The following USP25 variants were observed in gnomAD, a reference collection of about 807,000 sequenced individuals.
The protein encoded by USP25 is ubiquitin carboxyl-terminal hydrolase 25.
USP25 carries 85 observed loss-of-function variants against 158.5 expected under a neutral mutation model. The observed-to-expected ratio is 0.54, with a 90% confidence interval of 0.45 to 0.64. The LOEUF (loss-of-function observed/expected upper bound fraction) is 0.64. Ranked by LOEUF, USP25 falls within the 30% of genes least tolerant of loss-of-function variation. The pLI is 0.00. For missense variants in USP25, 1,242 were observed against 1,327.3 expected, an observed-to-expected ratio of 0.94 and a Z score of 1.00; for synonymous variants, 464 against 460.4, an observed-to-expected ratio of 1.01 and a Z score of -0.10.
At chr21:15,772,893 T>C (rs371076129) in intron 3 of USP25, among the ~76,000 whole-genome samples, 24 of 152,314 alleles carry the variant, frequency 1.6e-4, no homozygotes, top group African/African-American at 5.3e-4. Flanking sequence ...ATGTGAGGGA[T>C]CTTTCAGGAT....
chr21:15,779,312 G>A (rs2034829879), intron 4 of USP25, among the ~76,000 whole-genome samples: 1 of 151,792 alleles, frequency 6.6e-6, no homozygotes, highest in Non-Finnish European at 1.5e-5. Context: ...TAATTGTCTT[G>A]AATAATTATG....
Position 15,766,209 on chromosome 21 carries a change from A to G in USP25, c.268+68A>G, listed in dbSNP as rs1248090161. The G allele has an allele frequency of 6.9e-7, 1 of 1,452,550 alleles. No homozygotes were observed. The highest frequency in any genetic ancestry group is 9.1e-7 in the Non-Finnish European group (1 of 1,100,344). 90.0% of individuals were successfully genotyped at this position (1,452,550 alleles called of 1,614,324 possible). On this transcript the variant is annotated intron_variant, in intron 3 of 25. Coordinates refer to ENST00000400183, the MANE Select transcript of USP25 (RefSeq NM_001283041.3). The surrounding 1 kb of genome is among the most constrained non-coding windows in gnomAD (Gnocchi z 4.0). ...TGAAAAACTTTTCTTGGTGTAATAT[A>G]TTAATGTTGCTTAAGGAGAGGTAAA...
At chr21:15,809,464 ACACCC>A (rs1040124110) in intron 8 of USP25, among the ~76,000 whole-genome samples, 1 of 151,890 alleles carries the variant, frequency 6.6e-6, no homozygotes, top group African/African-American at 2.4e-5. Context: ...AAAAAACGAA[ACACCC>A]CCCCCAACCC....
chr21:15,863,808 G>A (rs1253020511), intron 20 of USP25, among the ~76,000 whole-genome samples: 6 of 151,476 alleles, frequency 4.0e-5, no homozygotes, highest in South Asian at 4.2e-4. Flanking sequence ...AGGCCAAGGC[G>A]GGCGGATTAT....
chr21:15,873,495 A>C (rs1401682599), intron 23 of USP25, among the ~76,000 whole-genome samples: 1 of 151,222 alleles, frequency 6.6e-6, no homozygotes, highest in Non-Finnish European at 1.5e-5. Flanking sequence ...ACATATGCCT[A>C]ATTCTATCAC....
intron 20 of USP25, among the ~76,000 whole-genome samples, chr21:15,858,489 G>A (rs900585069): frequency 6.6e-6 from 1 of 151,538 alleles, no homozygotes; most frequent in African/African-American, 2.4e-5. Flanking sequence ...TATTGAAAGG[G>A]TAGGTAACGG....
At position 15,805,061 on chromosome 21, in the gene USP25, G is replaced by A; in HGVS notation, c.643-60G>A. ...TTACTGTTAAAATGAATATTTATTA[G>A]TAAAAATTTTCTTAATCTTCAGTTA... On this transcript the variant is annotated intron_variant, in intron 6 of 25. Coordinates refer to ENST00000400183, the MANE Select transcript of USP25 (RefSeq NM_001283041.3). 5.4e-6 allele frequency: 8 copies of A among 1,477,430 alleles called. No individual in the cohort carries two copies. The South Asian group carries it at 1.1e-4, about 21-fold the overall frequency. The allele number at this position is 1,477,430 out of a possible 1,614,324, so 91.5% of individuals were successfully genotyped here.
chr21:15,758,165 G>A (rs1368746748), intron 1 of USP25, among the ~76,000 whole-genome samples: 4 of 152,158 alleles, frequency 2.6e-5, no homozygotes, highest in African/African-American at 9.7e-5. Context: ...TTCATTATTA[G>A]CAAACTCATG....
chr21:15,800,022 C>A lies in USP25; in HGVS notation c.642+179C>A, dbSNP rs1370966509. On this transcript the variant is annotated intron_variant, in intron 6 of 25. Coordinates refer to ENST00000400183, the MANE Select transcript of USP25 (RefSeq NM_001283041.3). ...CTTTGTTAATATATTATAAATACGA[C>A]TTTTTTCCTTTACCTGTCACAGTAA... Among the ~76,000 whole-genome samples the A allele has an allele frequency of 2.6e-5, 4 of 151,058 alleles. No individual in the cohort carries two copies. In the East Asian group the frequency reaches 5.8e-4, roughly 22 times the overall value.
intron 3 of USP25, among the ~76,000 whole-genome samples, chr21:15,771,681 T>C (rs1020021410): frequency 2.8e-5 from 4 of 144,524 alleles, no homozygotes; most frequent in Non-Finnish European, 5.9e-5. Flanking sequence ...ATTTTTTTTT[T>C]CTTTTTTTTT....
chr21:15,779,383 A>G (rs2034833963), intron 4 of USP25, among the ~76,000 whole-genome samples: 1 of 152,134 alleles, frequency 6.6e-6, no homozygotes, highest in African/African-American at 2.4e-5. Flanking sequence ...GTTGGATTTC[A>G]TATGTAAGGG....
chr21:15,838,107 T>A (rs117753751), intron 17 of USP25, among the ~76,000 whole-genome samples: 4 of 151,954 alleles, frequency 2.6e-5, no homozygotes, highest in Non-Finnish European at 5.9e-5. Context: ...TTTTGTATTT[T>A]AGTAGAGACA....
intron 21 of USP25, among the ~76,000 whole-genome samples, 154 bp from the exon 22 acceptor site, chr21:15,866,112 G>A (rs1320843514): frequency 6.6e-6 from 1 of 151,862 alleles, no homozygotes; most frequent in African/African-American, 2.4e-5. Context: ...TCCCAAAAAT[G>A]TTTTTCACTT....
rs984054070 is a variant in USP25, at chr21:15,875,980, G to C, written c.3009+1454G>C. 3 of 152,230 alleles carry C rather than the reference G, an allele frequency of 2.0e-5. No homozygotes were observed. The highest frequency in any genetic ancestry group is 4.4e-5 in the Non-Finnish European group (3 of 68,066). 9.4% of individuals were successfully genotyped at this position (152,230 alleles called of 1,614,324 possible). On this transcript the variant is annotated intron_variant, in intron 24 of 25. Transcript: ENST00000400183. The surrounding 1 kb of genome is among the most constrained non-coding windows in gnomAD (Gnocchi z 4.7). ...GGAAAGTCAAGGGACGGAGAGTGAGGACCTCAACTCATGTAGTACGGTAGG... is the reference window on the plus strand; with the variant it reads ...GGAAAGTCAAGGGACGGAGAGTGAGCACCTCAACTCATGTAGTACGGTAGG...
chr21:15,744,880 AC>A (rs2032400233), intron 1 of USP25: 1 of 152,100 alleles, frequency 6.6e-6, no homozygotes, highest in Non-Finnish European at 1.5e-5. Flanking sequence ...GAGCCACCGC[AC>A]CCCGCCGGGT....
intron 7 of USP25, among the ~76,000 whole-genome samples, chr21:15,808,546 T>TTGTGTGTGTGTGTGTG (rs35849786): frequency 6.1e-5 from 9 of 148,480 alleles, no homozygotes; most frequent in African/African-American, 2.2e-4. Flanking sequence ...TGGTTTTTGA[T>TTGTGTGTGTGTGTGTG]TGTGTGTGTG....
At chr21:15,737,832 CT>C (rs200689344) in intron 1 of USP25, among the ~76,000 whole-genome samples, 147 of 141,364 alleles carry the variant, frequency 1.0e-3, no homozygotes, top group Non-Finnish European at 1.2e-3. Context: ...GGATTTTGGA[CT>C]TTTTTTTTTT....
chr21:15,834,147 T>A (rs897682458), intron 17 of USP25, among the ~76,000 whole-genome samples: 1 of 152,178 alleles, frequency 6.6e-6, no homozygotes, highest in East Asian at 1.9e-4. Context: ...CATAAACATA[T>A]AAATATTTAA....
intron 4 of USP25, among the ~76,000 whole-genome samples, chr21:15,779,765 A>G (rs1323668105): frequency 1.3e-5 from 2 of 152,098 alleles, no homozygotes; most frequent in South Asian, 4.1e-4. Context: ...TAATTTAAAA[A>G]TAGTAAATAT....
Sources: gnomAD v4.1 joint callset for allele counts (sites outside exome capture counted in the v4.1 genomes callset) on GRCh38, gnomAD v4.1.1 for gene constraint, Gnocchi (gnomAD v3.1) non-coding constraint, MANE v1.5 for transcripts, NCBI Gene and HGNC (gene_info 2026-07-23, HGNC 2026-07-21) for gene names.